BICC1: variants seen among roughly 807,000 people sequenced by gnomAD.
The protein encoded by BICC1 is protein bicaudal C homolog 1.
In BICC1, 43 loss-of-function variants were observed where a neutral mutation model predicts 111.0. That is an observed-to-expected ratio of 0.39 (90% CI 0.30 to 0.50). BICC1 has a LOEUF of 0.50. BICC1 is among the 20% of genes least tolerant of loss of function. The probability of loss-of-function intolerance (pLI) is 0.88; values close to 1 mark genes in which losing one functional copy is unlikely to be tolerated. For missense variants in BICC1, 1,091 were observed against 1,203.2 expected (o/e 0.91, Z 1.38); for synonymous variants, 467 against 434.4 (o/e 1.07, Z -0.93).
chr10:58,661,941 A>T lies in BICC1; in HGVS notation c.238-40133A>T, dbSNP rs1041047298. Among the ~76,000 whole-genome samples the T allele has an allele frequency of 3.3e-5, 5 of 152,220 alleles. 1 individual carries two copies. The highest frequency in any genetic ancestry group is 1.2e-4 in the African/African-American group (5 of 41,460). ...AAAAATTGGAAAAATATAGAAAACT[A>T]TACTTTTTAACCTTAGAACTGTCAC... On this transcript the variant is annotated intron_variant, in intron 2 of 20. Transcript: ENST00000373886.
Position 58,575,592 on chromosome 10 carries a change from G to T in BICC1, c.191-45263G>T, listed in dbSNP as rs529257110. Among the ~76,000 whole-genome samples the T allele has an allele frequency of 3.5e-3, 521 of 150,520 alleles. 1 individual carries two copies. Among genetic ancestry groups the T allele is most frequent in the Middle Eastern group, 0.01 (3 of 292 alleles). ...AGTTTTTTTTTGGTTGTTGTTGTTG[G>T]TTTTTTTTTGTTAAGAAATAGGGTC... On this transcript the variant is annotated intron_variant, in intron 1 of 20. Coordinates refer to ENST00000373886, the MANE Select transcript of BICC1 (RefSeq NM_001080512.3).
At chr10:58,761,217 G>A (rs1480172887) in intron 3 of BICC1, among the ~76,000 whole-genome samples, 1 of 152,156 alleles carries the variant, frequency 6.6e-6, no homozygotes, top group Non-Finnish European at 1.5e-5. Context: ...ATGATGCTAA[G>A]ATACAGATGA....
intron 2 of BICC1, among the ~76,000 whole-genome samples, chr10:58,668,669 C>T (rs191979713): frequency 1.3e-4 from 20 of 152,098 alleles, no homozygotes; most frequent in Admixed American, 9.2e-4. Flanking sequence ...TGTTGATGAT[C>T]GTTACTTCAT....
chr10:58,540,299 AAG>A (rs1159935649), intron 1 of BICC1, among the ~76,000 whole-genome samples: 12 of 116,188 alleles, frequency 1.0e-4, no homozygotes, highest in South Asian at 2.7e-4. Flanking sequence ...ATAATAGAAA[AAG>A]AGTAAAAAAA....
intron 3 of BICC1, among the ~76,000 whole-genome samples, chr10:58,757,646 C>T (rs1032354065): frequency 6.6e-6 from 1 of 152,078 alleles, no homozygotes; most frequent in Non-Finnish European, 1.5e-5. Flanking sequence ...TGCTGTACAC[C>T]TATGTAATTT....
intron 1 of BICC1, among the ~76,000 whole-genome samples, chr10:58,574,190 A>G (rs1844043037): frequency 6.6e-6 from 1 of 152,156 alleles, no homozygotes; most frequent in Non-Finnish European, 1.5e-5. Flanking sequence ...GAAGTGTTTT[A>G]AAGATAATTA....
intron 7 of BICC1, 49 bp from the exon 8 acceptor site, chr10:58,789,633 A>T: frequency 6.2e-7 from 1 of 1,601,484 alleles, no homozygotes; most frequent in Non-Finnish European, 8.5e-7. Flanking sequence ...TTCCCCGTAT[A>T]TGAACAGTTA....
intron 10 of BICC1, among the ~76,000 whole-genome samples, chr10:58,797,424 T>C (rs1843391500): frequency 6.6e-6 from 1 of 152,182 alleles, no homozygotes; most frequent in Non-Finnish European, 1.5e-5. Context: ...TGCTCTTATA[T>C]GATTGATTTT....
Position 58,548,869 on chromosome 10 carries a change from GGT to G in BICC1, c.190+35547_190+35548del, listed in dbSNP as rs1230794084. ...TTGTTTTTGTTTTAGTTTACTTTGGGGTGTGTGTGTGTCAGGGTTTCCCTCTG... is the reference window on the plus strand; with the variant it reads ...TTGTTTTTGTTTTAGTTTACTTTGGGGTGTGTGTGTCAGGGTTTCCCTCTG... On this transcript the variant is annotated intron_variant, in intron 1 of 20. Transcript: ENST00000373886. Among the ~76,000 whole-genome samples, 20 of 151,976 alleles carry G rather than the reference GGT, an allele frequency of 1.3e-4. No homozygotes were observed. The South Asian group carries it at 2.9e-3, about 22-fold the overall frequency.
chr10:58,519,517 C>G (rs759058982), intron 1 of BICC1, among the ~76,000 whole-genome samples: 9 of 152,144 alleles, frequency 5.9e-5, no homozygotes, highest in Non-Finnish European at 1.3e-4. Flanking sequence ...TCAAAGCTTA[C>G]CTGTATTGGA....
chr10:58,521,790 TTTTTTTTTTTTTTTTTG>T (rs1564469722), intron 1 of BICC1, among the ~76,000 whole-genome samples: 2 of 130,304 alleles, frequency 1.5e-5, no homozygotes, highest in African/African-American at 5.7e-5. Flanking sequence ...TTTTTTTTTT[TTTTTTTTTTTTTTTTTG>T]AGGGAGTACA....
chr10:58,588,807 G>A (rs1389137667), intron 1 of BICC1, among the ~76,000 whole-genome samples: 1 of 152,206 alleles, frequency 6.6e-6, no homozygotes, highest in African/African-American at 2.4e-5. Context: ...ACTGCGTGAA[G>A]GAGCACATTT....
chr10:58,715,826 G>T (rs577042702), intron 3 of BICC1: 133 of 1,284,104 alleles, frequency 1.0e-4, no homozygotes, highest in African/African-American at 7.3e-4. Flanking sequence ...CCAAAAAAAA[G>T]ACAGAGAAAG....
At chr10:58,761,892 T>C (rs1842327082) in intron 3 of BICC1, among the ~76,000 whole-genome samples, 1 of 152,082 alleles carries the variant, frequency 6.6e-6, no homozygotes, top group Non-Finnish European at 1.5e-5. Flanking sequence ...GCATGTGGCT[T>C]TTCTAGAAAA....
rs1040396884 is a variant in BICC1, at chr10:58,830,893, A to C, written c.*2002A>C. On this transcript the variant is annotated 3_prime_UTR_variant, in exon 21 of 21. Transcript: ENST00000373886. The stretch of plus-strand genomic sequence containing the variant: ...CAATACCAGATTTATGTCCTGTTCA[A>C]CAACTCAGTACTCTAAATGTTGTTA... 2.6e-5 allele frequency: 4 copies of C among 152,212 alleles called. No homozygotes were observed. The highest frequency in any genetic ancestry group is 6.5e-5 in the Admixed American group (1 of 15,280). 9.4% of individuals were successfully genotyped at this position (152,212 alleles called of 1,614,324 possible).
rs902259503 is a variant in BICC1 at position 58,688,530 on chromosome 10, G to T, written c.238-13544G>T. 3.3e-5 allele frequency among the ~76,000 whole-genome samples: 5 copies of T among 152,054 alleles called. No homozygotes were observed. In the East Asian group the frequency reaches 9.7e-4, roughly 29 times the overall value. On this transcript the variant is annotated intron_variant, in intron 2 of 20. Coordinates refer to ENST00000373886, the MANE Select transcript of BICC1 (RefSeq NM_001080512.3). Reference sequence around the variant, plus strand: ...CTCTCACCGGCAATCTCATTACTGGGTATATACCCAAAGGATTATAAATCA... The same window carrying T: ...CTCTCACCGGCAATCTCATTACTGGTTATATACCCAAAGGATTATAAATCA...
intron 1 of BICC1, among the ~76,000 whole-genome samples, chr10:58,609,132 CTT>C (rs1268493671): frequency 1.3e-5 from 2 of 152,112 alleles, no homozygotes; most frequent in African/African-American, 4.8e-5. Context: ...CACATAAACT[CTT>C]AAATACTTTC....
chr10:58,789,629 G>A lies in BICC1; in HGVS notation c.796-53G>A, dbSNP rs778287880. The A allele has an allele frequency of 3.4e-5, 54 of 1,595,560 alleles. 1 individual carries two copies. Among genetic ancestry groups the A allele is most frequent in the Middle Eastern group, 3.3e-4 (2 of 6,018 alleles). The stretch of plus-strand genomic sequence containing the variant: ...TAGAAATGCAATAGAATCTTTCCCC[G>A]TATATGAACAGTTAATGTATAGGAT... On this transcript the variant is annotated intron_variant, in intron 7 of 20. Transcript: ENST00000373886.
chr10:58,758,092 T>A (rs1488128042), intron 3 of BICC1, among the ~76,000 whole-genome samples: 1 of 152,250 alleles, frequency 6.6e-6, no homozygotes, highest in African/African-American at 2.4e-5. Context: ...TATGTAGTTT[T>A]AAAGTCATCC....
Sources: allele counts gnomAD v4.1 joint callset (sites outside exome capture counted in the v4.1 genomes callset), GRCh38; gene constraint gnomAD v4.1.1; transcripts MANE v1.5; gene names NCBI Gene and HGNC (gene_info 2026-07-23, HGNC 2026-07-21).